COL12A1: variants seen among roughly 807,000 people sequenced by gnomAD.
COL12A1 encodes collagen alpha-1(XII) chain.
A neutral mutation model predicts 349.7 loss-of-function variants in COL12A1; 114 were observed. That is an observed-to-expected ratio of 0.33 (90% CI 0.28 to 0.38). COL12A1 has a LOEUF of 0.38. Ranked by LOEUF, COL12A1 falls within the 10% of genes least tolerant of loss-of-function variation. COL12A1 has a pLI of 1.00. For missense variants in COL12A1, 3,284 were observed against 3,756.9 expected (o/e 0.87, Z 3.29); for synonymous variants, 1,369 against 1,329.0 (o/e 1.03, Z -0.66).
chr6:75,124,075 A>G lies in COL12A1; in HGVS notation c.6744T>C (p.Ile2248=), dbSNP rs1420789055. Residue 2248 remains isoleucine, a synonymous_variant, in exon 42 of 66, where the codon ATT becomes ATC. Transcript: ENST00000322507. ...SPADGTRGQE[I]TVRGSETSHC... is the part of the protein sequence containing the mutation. ...GACTGGTTTCTGATCCACGCACTGT[A>G]ATTTCTTGTCCCCTTGTTCCTGATT... is the stretch of plus-strand genomic sequence containing the variant. 6 of 1,613,416 alleles carry G rather than the reference A, an allele frequency of 3.7e-6. No individual in the cohort carries two copies. Among genetic ancestry groups the G allele is most frequent in the Non-Finnish European group, 5.1e-6 (6 of 1,179,544 alleles).
Position 75,188,446 on chromosome 6 carries a change from T to C in COL12A1, c.913A>G (p.Ile305Val), listed in dbSNP as rs1769746949. The C allele has an allele frequency of 6.2e-7, 1 of 1,613,604 alleles. No homozygotes were observed. The highest frequency in any genetic ancestry group is 1.1e-5 in the South Asian group (1 of 91,066). ...HVFNVANFDAIVDIQNEIISQ... is the reference protein window; with the variant it reads ...HVFNVANFDAVVDIQNEIISQ... The stretch of plus-strand genomic sequence containing the variant: ...ATGATCTCATTCTGAATATCCACAA[T>C]TGCATCAAAGTTGGCCACATTGAAA... The change falls in exon 8 of 66, where the codon ATT becomes GTT. Residue 305 changes from isoleucine (I) to valine (V), a missense_variant. Ile to Val is a conservative substitution (Grantham distance 29). Coordinates refer to ENST00000322507, the MANE Select transcript of COL12A1 (RefSeq NM_004370.6).
intron 38 of COL12A1, 54 bp from the exon 39 acceptor site, chr6:75,126,524 G>A (rs1243545775): frequency 1.3e-6 from 2 of 1,537,882 alleles, no homozygotes; most frequent in Non-Finnish European, 8.8e-7. Flanking sequence ...CACAGGGAGA[G>A]CACAAAACTT....
At chr6:75,157,085 T>C (rs950688289) in intron 14 of COL12A1, among the ~76,000 whole-genome samples, 4 of 152,206 alleles carry the variant, frequency 2.6e-5, no homozygotes, top group African/African-American at 7.2e-5. Flanking sequence ...AACTGGTATA[T>C]GCTGAGTATT....
At chr6:75,136,533 G>A (rs1766616702) in intron 31 of COL12A1, among the ~76,000 whole-genome samples, 3 of 152,162 alleles carry the variant, frequency 2.0e-5, no homozygotes, top group Admixed American at 2.0e-4. Flanking sequence ...AAACTGATAA[G>A]AGAAATGACC....
At position 75,091,471 on chromosome 6, in the gene COL12A1, A is replaced by G; in HGVS notation, c.8685+19T>C. On this transcript the variant is annotated intron_variant, in intron 61 of 65. Coordinates refer to ENST00000322507, the MANE Select transcript of COL12A1 (RefSeq NM_004370.6). ...GTTTAACACACAAAATAAACGTAAG[A>G]TTTTTTAAAAATACATACCCTATCA... is the stretch of plus-strand genomic sequence containing the variant. 1 of 1,613,130 alleles carries G rather than the reference A, an allele frequency of 6.2e-7. No individual in the cohort carries two copies. The highest frequency in any genetic ancestry group is 8.5e-7 in the Non-Finnish European group (1 of 1,179,624).
chr6:75,115,866 C>T lies in COL12A1; in HGVS notation c.7615G>A (p.Gly2539Arg). 1 of 1,613,630 alleles carries T rather than the reference C, an allele frequency of 6.2e-7. No homozygotes were observed. The highest frequency in any genetic ancestry group is 8.5e-7 in the Non-Finnish European group (1 of 1,179,694). Residue 2539 changes from glycine to arginine, a missense_variant, in exon 49 of 66, where the codon GGA becomes AGA. This residue lies in a region of COL12A1 where 683 missense variants were observed against 932.1 expected (regional missense o/e 0.73). Coordinates refer to ENST00000322507, the MANE Select transcript of COL12A1 (RefSeq NM_004370.6). ...LTEKNFASVQ[G>R]VSLESGSFPS... ...AAAGACCCTGACTCCAAAGATACTC[C>T]TTGTACAGAAGCAAAATTCTTTTCT...
intron 13 of COL12A1, among the ~76,000 whole-genome samples, chr6:75,169,811 T>C (rs946753561): frequency 1.1e-4 from 17 of 152,330 alleles, no homozygotes; most frequent in African/African-American, 4.1e-4. Context: ...TTCTTCCTAG[T>C]ATAGTACCAG....
rs1479641628 is a variant in COL12A1 at position 75,119,426 on chromosome 6, C to G, written c.7134G>C (p.Leu2378=). ...YSDEVKSEFK[L]NTYNDKALAL... is the part of the protein sequence containing the mutation. ...CTAGGGCCTTGTCATTGTACGTGTT[C>G]AGCTTGAACTCAGACTTGACCTCAT... Residue 2378 remains leucine (L), a synonymous_variant, in exon 45 of 66, where the codon CTG becomes CTC. Transcript: ENST00000322507. The G allele has an allele frequency of 6.2e-7, 1 of 1,613,888 alleles. No individual in the cohort carries two copies. The highest frequency in any genetic ancestry group is 1.1e-5 in the South Asian group (1 of 91,056).
rs372822999 is a variant in COL12A1, at chr6:75,102,609, A to C, written c.8403T>G (p.Ile2801Met). The C allele has an allele frequency of 6.4e-7, 1 of 1,554,818 alleles. No individual in the cohort carries two copies. Among genetic ancestry groups the C allele is most frequent in the African/African-American group, 1.4e-5 (1 of 71,378 alleles). ...PGPQGPNGLSIPGEQGRQGMK... is the reference protein window; with the variant it reads ...PGPQGPNGLSMPGEQGRQGMK... ...GCTTTGTGCTTACTTGCTCTCCCGG[A>C]ATAGAGAGTCCATTGGGTCCCTGAG... Residue 2801 changes from isoleucine to methionine, a missense_variant, in exon 56 of 66, where the codon ATT becomes ATG. Around this residue, in one of 2 missense-constraint regions of COL12A1, gnomAD observed 683 missense variants for 932.1 expected, o/e 0.73. Coordinates refer to ENST00000322507, the MANE Select transcript of COL12A1 (RefSeq NM_004370.6).
Position 75,102,682 on chromosome 6 carries a change from C to G in COL12A1, c.8330G>C (p.Gly2777Ala). 1 of 1,546,368 alleles carries G rather than the reference C, an allele frequency of 6.5e-7. No homozygotes were observed. Among genetic ancestry groups the G allele is most frequent in the Non-Finnish European group, 8.7e-7 (1 of 1,150,734 alleles). The change falls in exon 56 of 66, where the codon GGT becomes GCT. Residue 2777 changes from glycine (G) to alanine (A), a missense_variant. By Grantham distance (60) the Gly-to-Ala change is moderately conservative. Transcript: ENST00000322507. ...RGISGAIGPPGPRGDIGPPGP... is the reference protein window; with the variant it reads ...RGISGAIGPPAPRGDIGPPGP... The stretch of plus-strand genomic sequence containing the variant: ...TGGAGGACCTATGTCTCCACGAGGA[C>G]CAGGGGGCCCCTAAAATACACAAGA...
chr6:75,189,241 C>G lies in COL12A1; in HGVS notation c.799G>C (p.Val267Leu). 1 of 1,612,906 alleles carries G rather than the reference C, an allele frequency of 6.2e-7. No homozygotes were observed. The highest frequency in any genetic ancestry group is 2.2e-5 in the East Asian group (1 of 44,842). ...CCCAAGGAGAAAACTTCAACTCCAA[C>G]ATTACGAAGCTCTCTTGCTGGAATT... ...VEIPARELRN[V>L]GVEVFSLGIK... Residue 267 changes from valine to leucine, a missense_variant, in exon 7 of 66, where the codon GTT (valine) becomes CTT (leucine). Transcript: ENST00000322507.
chr6:75,203,999 TTG>T (rs1299509946), intron 1 of COL12A1, among the ~76,000 whole-genome samples: 3 of 152,200 alleles, frequency 2.0e-5, no homozygotes, highest in African/African-American at 7.2e-5. Context: ...TTCCAAATTA[TTG>T]GCACAAAGCA....
rs967454149 is a variant in COL12A1 at position 75,189,617 on chromosome 6, T to C, written c.593A>G (p.Tyr198Cys). 14 of 1,613,302 alleles carry C rather than the reference T, an allele frequency of 8.7e-6. No homozygotes were observed. The East Asian group carries it at 1.3e-4, about 15-fold the overall frequency. Residue 198 changes from tyrosine (Y) to cysteine (C), a missense_variant, in exon 6 of 66, where the codon TAC (tyrosine) becomes TGC (cysteine). Coordinates refer to ENST00000322507, the MANE Select transcript of COL12A1 (RefSeq NM_004370.6). ...TRTEFNLNQY[Y>C]QRDELLAAIK... The stretch of plus-strand genomic sequence containing the variant: ...TGCAGCAAGAAGTTCATCCCTTTGG[T>C]AGTACTGATTTAAGTTAAATTCAGT...
intron 14 of COL12A1, among the ~76,000 whole-genome samples, chr6:75,157,250 A>G (rs1767811064): frequency 6.6e-6 from 1 of 152,132 alleles, no homozygotes; most frequent in Non-Finnish European, 1.5e-5. Context: ...CTATTTTTAT[A>G]TATAATTAGA....
In COL12A1 at chr6:75,119,385, T is replaced by C. The variant is rs1389027764; in HGVS notation, c.7175A>G (p.Gln2392Arg). ...GTTTCCTCCTCTGTACCTAATATTCTGGAGGGCCCCAAGGGCTAGGGCCTT... is the reference window on the plus strand; with the variant it reads ...GTTTCCTCCTCTGTACCTAATATTCCGGAGGGCCCCAAGGGCTAGGGCCTT... The part of the protein sequence containing the change: ...NDKALALGAL[Q>R]NIRYRGGNTR... The change falls in exon 45 of 66, where the codon CAG (glutamine) becomes CGG (arginine). Residue 2392 changes from glutamine to arginine, a missense_variant. Gln to Arg is a conservative substitution (Grantham distance 43, BLOSUM62 1). Transcript: ENST00000322507. 1 of 1,613,910 alleles carries C rather than the reference T, an allele frequency of 6.2e-7. No homozygotes were observed. The highest frequency in any genetic ancestry group is 1.1e-5 in the South Asian group (1 of 91,040).
chr6:75,192,473 A>C, intron 3 of COL12A1, 118 bp from the exon 4 acceptor site: 2 of 879,088 alleles, frequency 2.3e-6, no homozygotes, highest in Non-Finnish European at 3.4e-6. Context: ...ACATTTTTTC[A>C]GGACACTCAA....
chr6:75,146,289 C>G, intron 23 of COL12A1, 45 bp from the exon 24 acceptor site: 1 of 1,524,408 alleles, frequency 6.6e-7, no homozygotes, highest in South Asian at 1.3e-5. Context: ...TCCTTTCATT[C>G]CACTCATTTT....
At chr6:75,117,653 G>A in intron 46 of COL12A1, 107 bp from the exon 47 acceptor site, 1 of 1,205,174 alleles carries the variant, frequency 8.3e-7, no homozygotes, top group Middle Eastern at 2.0e-4. Context: ...TTTTCTTAAT[G>A]TATGCAGCAA....
intron 46 of COL12A1, 58 bp from the exon 47 acceptor site, chr6:75,117,604 G>A (rs1201903793): frequency 3.9e-6 from 6 of 1,543,596 alleles, no homozygotes; most frequent in African/African-American, 1.4e-5. Context: ...CTTGTTGTTA[G>A]AACAATGCAA....
Sources: gnomAD v4.1 joint callset for allele counts (sites outside exome capture counted in the v4.1 genomes callset) on GRCh38, gnomAD v4.1.1 for gene constraint, gnomAD v4.1.1 regional missense constraint, MANE v1.5 for transcripts, NCBI Gene and HGNC (gene_info 2026-07-23, HGNC 2026-07-21) for gene names.